The following RBFOX1 variants were observed in gnomAD, a reference collection of about 807,000 sequenced individuals.
RBFOX1 encodes RNA binding protein fox-1 homolog 1.
RBFOX1 carries 8 observed loss-of-function variants against 57.7 expected under a neutral mutation model. That is an observed-to-expected ratio of 0.14 (90% CI 0.08 to 0.25). RBFOX1 has a LOEUF of 0.25. Among genes scored for constraint, RBFOX1 ranks in the 10% least tolerant of loss-of-function variants. The probability of loss-of-function intolerance (pLI) is 1.00; values close to 1 mark genes in which losing one functional copy is unlikely to be tolerated. For synonymous variants in RBFOX1, 326 were observed against 222.4 expected (o/e 1.47, Z -4.15); for missense variants, 611 against 548.5 (o/e 1.11, Z -1.14).
chr16:5,903,390 C>G (rs1162806099), intron 4 of RBFOX1, among the ~76,000 whole-genome samples: 1 of 152,144 alleles, frequency 6.6e-6, no homozygotes, highest in Admixed American at 6.5e-5. Flanking sequence ...TCCTATTACT[C>G]AGTAGCAACA....
At chr16:7,487,003 A>C (rs1262177052) in intron 4 of RBFOX1, among the ~76,000 whole-genome samples, 5 of 152,106 alleles carry the variant, frequency 3.3e-5, no homozygotes, top group Non-Finnish European at 1.5e-5. Context: ...GGGTTCAAGC[A>C]GTTCTCCTGT....
At chr16:5,282,629 C>T (rs2063300212) in intron 1 of RBFOX1, among the ~76,000 whole-genome samples, 1 of 152,114 alleles carries the variant, frequency 6.6e-6, no homozygotes, top group African/African-American at 2.4e-5. Flanking sequence ...GCATTTTGCC[C>T]CTGCTGTAGA....
intron 4 of RBFOX1, among the ~76,000 whole-genome samples, chr16:7,075,559 T>A (rs906192832): frequency 6.7e-6 from 1 of 149,064 alleles, no homozygotes; most frequent in Non-Finnish European, 1.5e-5. Flanking sequence ...TTGCATTTCT[T>A]TTTATTTTTT....
At chr16:6,903,786 C>T (rs1224727657) in intron 3 of RBFOX1, among the ~76,000 whole-genome samples, 5 of 152,100 alleles carry the variant, frequency 3.3e-5, no homozygotes, top group South Asian at 2.1e-4. Context: ...TCGGAGCTGC[C>T]GCTGCTTAGC....
intron 2 of RBFOX1, among the ~76,000 whole-genome samples, chr16:6,567,374 A>G (rs2097281662): frequency 6.6e-6 from 1 of 152,124 alleles, no homozygotes; most frequent in East Asian, 1.9e-4. Flanking sequence ...ACAACTACTG[A>G]GTAGCTCAGG....
chr16:6,657,606 C>T (rs1200386161), intron 3 of RBFOX1, among the ~76,000 whole-genome samples: 3 of 152,174 alleles, frequency 2.0e-5, no homozygotes, highest in Non-Finnish European at 4.4e-5. Context: ...ATGACAGTTG[C>T]TCACGCACGT....
chr16:5,410,117 G>A (rs1243403999), intron 1 of RBFOX1, among the ~76,000 whole-genome samples: 2 of 151,364 alleles, frequency 1.3e-5, no homozygotes, highest in South Asian at 2.1e-4. Context: ...TAATGCCTGC[G>A]CTTTGGGAGA....
chr16:6,580,126 C>T (rs1443080091), intron 2 of RBFOX1, among the ~76,000 whole-genome samples: 1 of 151,812 alleles, frequency 6.6e-6, no homozygotes, highest in East Asian at 1.9e-4. Flanking sequence ...ACCTAGCTAA[C>T]TTTTGTGTTT....
intron 1 of RBFOX1, among the ~76,000 whole-genome samples, chr16:6,075,831 A>G (rs534886540): frequency 5.3e-5 from 8 of 152,362 alleles, no homozygotes; most frequent in African/African-American, 1.9e-4. Context: ...ATCAAGACAC[A>G]CAATAATAAC....
intron 2 of RBFOX1, among the ~76,000 whole-genome samples, chr16:6,442,684 T>C (rs1050296717): frequency 1.3e-5 from 2 of 152,212 alleles, no homozygotes; most frequent in South Asian, 2.1e-4. Context: ...TTTTGTGATA[T>C]CAGTCTCCCT....
At chr16:7,226,963 T>TAAC (rs1287532697) in intron 4 of RBFOX1, among the ~76,000 whole-genome samples, 9 of 152,190 alleles carry the variant, frequency 5.9e-5, no homozygotes, top group Non-Finnish European at 1.2e-4. Context: ...TATGTAAGAA[T>TAAC]ATGAATTTCT....
chr16:7,582,324 G>T (rs190691259), intron 6 of RBFOX1, among the ~76,000 whole-genome samples: 207 of 152,236 alleles, frequency 1.4e-3, no homozygotes, highest in Middle Eastern at 6.8e-3. Flanking sequence ...AATAGCATCT[G>T]TGTCCCTTTT....
At chr16:7,350,197 T>C (rs2097102429) in intron 4 of RBFOX1, among the ~76,000 whole-genome samples, 2 of 152,088 alleles carry the variant, frequency 1.3e-5, no homozygotes, top group East Asian at 3.9e-4. Context: ...AGGGTTATTT[T>C]AGATAGTTGA....
At chr16:7,426,109 A>G (rs1421679425) in intron 4 of RBFOX1, among the ~76,000 whole-genome samples, 1 of 152,224 alleles carries the variant, frequency 6.6e-6, no homozygotes, top group Non-Finnish European at 1.5e-5. Flanking sequence ...TAATATACTC[A>G]GGAAAAAGCC....
At chr16:6,124,848 A>C (rs549522441) in intron 1 of RBFOX1, among the ~76,000 whole-genome samples, 1 of 152,240 alleles carries the variant, frequency 6.6e-6, no homozygotes, top group East Asian at 1.9e-4. Flanking sequence ...TTTTTAATAC[A>C]TCCAATTATT....
intron 5 of RBFOX1, among the ~76,000 whole-genome samples, chr16:7,525,303 G>A (rs994116847): frequency 6.6e-6 from 1 of 152,140 alleles, no homozygotes; most frequent in South Asian, 2.1e-4. Context: ...GTGTGTGTGT[G>A]TGTGTGCATT....
intron 3 of RBFOX1, among the ~76,000 whole-genome samples, chr16:5,765,810 C>T (rs138860948): frequency 4.6e-4 from 70 of 152,274 alleles, no homozygotes; most frequent in Non-Finnish European, 6.5e-4. Flanking sequence ...GATGCTCATC[C>T]CTAGAGTTCC....
intron 1 of RBFOX1, among the ~76,000 whole-genome samples, chr16:5,243,970 C>T (rs1271131312): frequency 2.0e-5 from 3 of 152,042 alleles, no homozygotes; most frequent in Non-Finnish European, 1.5e-5. Context: ...GATCTCCGCT[C>T]ACTGCAACCT....
intron 4 of RBFOX1, among the ~76,000 whole-genome samples, chr16:7,391,592 A>T (rs1357885998): frequency 1.3e-5 from 2 of 152,194 alleles, no homozygotes; most frequent in Non-Finnish European, 2.9e-5. Flanking sequence ...ATCACTTTAT[A>T]ACTTCAGTAC....
Sources: allele counts gnomAD v4.1 joint callset (sites outside exome capture counted in the v4.1 genomes callset), GRCh38; gene constraint gnomAD v4.1.1; transcripts MANE v1.5; gene names NCBI Gene and HGNC (gene_info 2026-07-23, HGNC 2026-07-21).